Variants in BCL2 observed in about 807,000 individuals in gnomAD.
BCL2 encodes BCL2 apoptosis regulator.
In BCL2, 1 loss-of-function variant was observed where a neutral mutation model predicts 14.2. That is an observed-to-expected ratio of 0.07 (90% CI 0.02 to 0.33). The LOEUF is 0.33. BCL2 is among the 10% of genes least tolerant of loss of function. BCL2 has a pLI of 0.99. For missense variants in BCL2, 247 were observed against 305.9 expected (o/e 0.81, Z 1.44); for synonymous variants, 151 against 137.2 (o/e 1.10, Z -0.70).
intron 2 of BCL2, among the ~76,000 whole-genome samples, chr18:63,276,552 T>C (rs887375202): frequency 6.6e-6 from 1 of 152,234 alleles, no homozygotes; most frequent in African/African-American, 2.4e-5. Context: ...ATTTTACCTG[T>C]CAACACAAGG....
At chr18:63,158,040 C>T (rs1031042979) in intron 2 of BCL2, among the ~76,000 whole-genome samples, 3 of 151,842 alleles carry the variant, frequency 2.0e-5, no homozygotes, top group African/African-American at 7.3e-5. Flanking sequence ...CAAGACATTT[C>T]ATAAGAAAAG....
chr18:63,182,262 A>G (rs1487798299), intron 2 of BCL2, among the ~76,000 whole-genome samples: 1 of 152,208 alleles, frequency 6.6e-6, no homozygotes, highest in Non-Finnish European at 1.5e-5. Context: ...GCTGTTCCCT[A>G]TCCAGAGCTG....
intron 2 of BCL2, among the ~76,000 whole-genome samples, chr18:63,169,289 T>C (rs7230565): frequency 0.027 from 2,016 of 73,986 alleles, 269 homozygotes; most frequent in East Asian, 0.11. Flanking sequence ...TCTTTCTTTC[T>C]TTCTTTCTTT....
intron 2 of BCL2, among the ~76,000 whole-genome samples, chr18:63,277,678 G>T (rs147993234): frequency 3.3e-5 from 5 of 151,416 alleles, no homozygotes; most frequent in Non-Finnish European, 4.4e-5. Flanking sequence ...AGCTTCCCCA[G>T]GAACCAGGAA....
At chr18:63,252,915 C>A (rs1911356567) in intron 2 of BCL2, among the ~76,000 whole-genome samples, 1 of 152,118 alleles carries the variant, frequency 6.6e-6, no homozygotes, top group Admixed American at 6.5e-5. Context: ...AGGTAGCAAG[C>A]AGAAAGTAGA....
intron 2 of BCL2, among the ~76,000 whole-genome samples, chr18:63,184,767 C>T (rs373361071): frequency 1.3e-5 from 2 of 152,312 alleles, no homozygotes; most frequent in South Asian, 2.1e-4. Context: ...TCCTTGAAGG[C>T]GCCTTGAGGG....
chr18:63,168,014 G>T (rs1210676594), intron 2 of BCL2, among the ~76,000 whole-genome samples: 1 of 150,044 alleles, frequency 6.7e-6, no homozygotes, highest in Non-Finnish European at 1.5e-5. Context: ...AGTGACCTAT[G>T]ATCATGCCAC....
At chr18:63,302,315 A>G in intron 2 of BCL2, 1 of 968,652 alleles carries the variant, frequency 1.0e-6, no homozygotes, top group Non-Finnish European at 1.2e-6. Context: ...AAAAAAAAAA[A>G]GAGAGAGAAA....
chr18:63,161,521 T>A (rs947348375), intron 2 of BCL2, among the ~76,000 whole-genome samples: 3 of 152,176 alleles, frequency 2.0e-5, no homozygotes, highest in African/African-American at 7.2e-5. Flanking sequence ...CCCCTCCCCA[T>A]CTGACCTTCT....
chr18:63,165,184 G>A (rs1343562289), intron 2 of BCL2, among the ~76,000 whole-genome samples: 1 of 152,294 alleles, frequency 6.6e-6, no homozygotes, highest in East Asian at 1.9e-4. Flanking sequence ...GCCCTGCAAG[G>A]CTCTAAGGAT....
At chr18:63,129,605 T>G (rs2144585416) in intron 2 of BCL2, among the ~76,000 whole-genome samples, 1 of 152,332 alleles carries the variant, frequency 6.6e-6, no homozygotes, top group Non-Finnish European at 1.5e-5. Context: ...CTTATGAAGT[T>G]ATTTTATTTG....
chr18:63,158,314 C>T lies in BCL2; in HGVS notation c.586-29555G>A, dbSNP rs186504321. Among the ~76,000 whole-genome samples, 22 of 152,276 alleles carry T rather than the reference C, an allele frequency of 1.4e-4. 1 individual carries two copies. The highest frequency in any genetic ancestry group is 1.1e-3 in the Admixed American group (17 of 15,302). On this transcript the variant is annotated intron_variant, in intron 2 of 2. Coordinates refer to ENST00000333681, the MANE Select transcript of BCL2 (RefSeq NM_000633.3). Reference sequence around the variant, plus strand: ...ATATTCATGCACCTTCTCCTTCTGCCAAGGCAGAAATAACCTGGTACTTTT... The same window carrying T: ...ATATTCATGCACCTTCTCCTTCTGCTAAGGCAGAAATAACCTGGTACTTTT...
intron 2 of BCL2, among the ~76,000 whole-genome samples, chr18:63,148,737 T>C (rs1388437316): frequency 6.6e-6 from 1 of 151,978 alleles, no homozygotes; most frequent in Non-Finnish European, 1.5e-5. Flanking sequence ...CTCCTTATTA[T>C]AGAGGTATCT....
At chr18:63,145,616 C>G (rs900341170) in intron 2 of BCL2, among the ~76,000 whole-genome samples, 2 of 152,374 alleles carry the variant, frequency 1.3e-5, no homozygotes, top group African/African-American at 4.8e-5. Context: ...CTCTGCTCAC[C>G]AAGCATTTAA....
intron 2 of BCL2, among the ~76,000 whole-genome samples, chr18:63,235,968 C>A (rs778836514): frequency 2.0e-5 from 3 of 152,068 alleles, no homozygotes. Context: ...GGCTGTGTCT[C>A]CACCCAAATC....
At chr18:63,206,782 C>G (rs1909848022) in intron 2 of BCL2, among the ~76,000 whole-genome samples, 1 of 150,452 alleles carries the variant, frequency 6.6e-6, no homozygotes, top group Admixed American at 6.6e-5. Context: ...GGGAAGAGCA[C>G]AGTGGGAGGG....
At chr18:63,266,637 T>TCACACACACA (rs1240438012) in intron 2 of BCL2, among the ~76,000 whole-genome samples, 4 of 85,932 alleles carry the variant, frequency 4.7e-5, no homozygotes, top group African/African-American at 1.4e-4. Context: ...TCTCTCTCTC[T>TCACACACACA]CACACACACA....
intron 2 of BCL2, among the ~76,000 whole-genome samples, chr18:63,214,537 G>A (rs1431697986): frequency 6.6e-6 from 1 of 152,026 alleles, no homozygotes; most frequent in African/African-American, 2.4e-5. Flanking sequence ...GTGATGTGTT[G>A]TACCATTTGA....
chr18:63,302,334 G>C lies in BCL2; in HGVS notation c.585+15748C>G, dbSNP rs919949972. The C allele has an allele frequency of 2.6e-5, 25 of 980,144 alleles. No individual in the cohort carries two copies. The African/African-American group carries it at 4.0e-4, about 16-fold the overall frequency. 60.7% of individuals were successfully genotyped at this position (980,144 alleles called of 1,614,324 possible). A position where few individuals can be genotyped will look rare whatever the true frequency, so the allele number is the denominator to read the frequency against. On this transcript the variant is annotated intron_variant, in intron 2 of 2. Transcript: ENST00000333681. ...AAAAAAAGAGAGAGAAAGAGAGAAA[G>C]AGAGAGAGGAAATAGTTGGTGGCTT...
Sources: gnomAD v4.1 joint callset for allele counts (sites outside exome capture counted in the v4.1 genomes callset) on GRCh38, gnomAD v4.1.1 for gene constraint, MANE v1.5 for transcripts, NCBI Gene and HGNC (gene_info 2026-07-23, HGNC 2026-07-21) for gene names.